The following ADAMTS3 variants were observed in gnomAD, a reference collection of about 807,000 sequenced individuals.
ADAMTS3 encodes the protein ADAM metallopeptidase with thrombospondin type 1 motif 3, also known as A disintegrin and metalloproteinase with thrombospondin motifs 3.
Under a neutral mutation model 129.0 loss-of-function variants are expected in ADAMTS3, and 73 were observed. That is an observed-to-expected ratio of 0.57 (90% confidence interval 0.47 to 0.69). The LOEUF (loss-of-function observed/expected upper bound fraction) is 0.69. Ranked by LOEUF, ADAMTS3 falls within the 30% of genes least tolerant of loss-of-function variation. The probability of loss-of-function intolerance (pLI) is 0.00; values close to 1 mark genes in which losing one functional copy is unlikely to be tolerated. For missense variants in ADAMTS3, 1,457 were observed against 1,514.5 expected (o/e 0.96, Z 0.63); for synonymous variants, 477 against 510.8 (o/e 0.93, Z 0.89).
intron 5 of ADAMTS3, among the ~76,000 whole-genome samples, chr4:72,324,481 C>G (rs750783679): frequency 1.3e-5 from 2 of 152,114 alleles, no homozygotes; most frequent in Non-Finnish European, 2.9e-5. Flanking sequence ...CTAGAATATA[C>G]TAGAGATAAC....
intron 3 of ADAMTS3, among the ~76,000 whole-genome samples, chr4:72,526,724 ATATACATACATATATATATATATATAT>A (rs1720818888): frequency 3.9e-5 from 3 of 77,736 alleles, no homozygotes; most frequent in African/African-American, 1.6e-4. Flanking sequence ...CAGAAAAAAT[ATATACATACATATATATATATATATAT>A]ATATATATAT....
intron 2 of ADAMTS3, among the ~76,000 whole-genome samples, chr4:72,564,537 T>C (rs1385287995): frequency 1.3e-5 from 2 of 152,154 alleles, no homozygotes; most frequent in African/African-American, 2.4e-5. Context: ...TGTATGGGTA[T>C]AGGTAGGTGG....
At chr4:72,329,615 G>T (rs778184187) in intron 5 of ADAMTS3, among the ~76,000 whole-genome samples, 2 of 151,980 alleles carry the variant, frequency 1.3e-5, no homozygotes, top group Non-Finnish European at 2.9e-5. Context: ...TGTTGCTGTT[G>T]TTGCTGTTTT....
intron 3 of ADAMTS3, among the ~76,000 whole-genome samples, chr4:72,433,960 T>C (rs995553829): frequency 4.6e-5 from 7 of 151,854 alleles, no homozygotes; most frequent in African/African-American, 1.7e-4. Flanking sequence ...AGTACATCAA[T>C]GAACTAGACT....
intron 3 of ADAMTS3, among the ~76,000 whole-genome samples, chr4:72,435,958 C>G (rs956014177): frequency 1.1e-4 from 16 of 152,000 alleles, no homozygotes; most frequent in Admixed American, 2.6e-4. Flanking sequence ...GAATTCATGA[C>G]TAAAACACCA....
intron 3 of ADAMTS3, among the ~76,000 whole-genome samples, chr4:72,510,807 CTAT>C (rs1720291679): frequency 9.2e-6 from 1 of 108,118 alleles, no homozygotes; most frequent in East Asian, 2.8e-4. Flanking sequence ...ATAGCCAAAG[CTAT>C]CCTTAAGCCA....
At chr4:72,291,109 G>T in intron 19 of ADAMTS3, 47 bp from the exon 20 acceptor site, 5 of 1,592,704 alleles carry the variant, frequency 3.1e-6, no homozygotes, top group Non-Finnish European at 4.3e-6. Context: ...GGTATGTATA[G>T]TGTACACATT....
intron 3 of ADAMTS3, among the ~76,000 whole-genome samples, chr4:72,543,126 T>C (rs1560560262): frequency 6.6e-6 from 1 of 152,202 alleles, no homozygotes; most frequent in East Asian, 1.9e-4. Flanking sequence ...ATTTCTAAAT[T>C]ATTTTGCATC....
intron 2 of ADAMTS3, among the ~76,000 whole-genome samples, chr4:72,549,713 T>C (rs192782381): frequency 1.3e-5 from 2 of 151,922 alleles, no homozygotes; most frequent in African/African-American, 2.4e-5. Context: ...AGATATCTAT[T>C]AGAATATGAA....
At chr4:72,288,705 G>A in intron 21 of ADAMTS3, 46 bp downstream of exon 21, 2 of 1,234,174 alleles carry the variant, frequency 1.6e-6, no homozygotes. Context: ...TGCTTTTTGA[G>A]GTTTAAAAAC....
chr4:72,404,572 AC>A (rs1409631220), intron 4 of ADAMTS3, among the ~76,000 whole-genome samples: 1 of 152,024 alleles, frequency 6.6e-6, no homozygotes, highest in African/African-American at 2.4e-5. Flanking sequence ...AAGCAAAAAA[AC>A]TTCGTGATAT....
chr4:72,526,881 T>C (rs974045092), intron 3 of ADAMTS3, among the ~76,000 whole-genome samples: 2 of 142,294 alleles, frequency 1.4e-5, no homozygotes, highest in Non-Finnish European at 3.1e-5. Context: ...GATAAAATAA[T>C]GGTCAAAAGC....
At chr4:72,556,966 C>T (rs1721783159) in intron 2 of ADAMTS3, among the ~76,000 whole-genome samples, 1 of 151,594 alleles carries the variant, frequency 6.6e-6, no homozygotes, top group Admixed American at 6.6e-5. Context: ...CCTTAAATTC[C>T]ACATCAACAG....
intron 3 of ADAMTS3, among the ~76,000 whole-genome samples, chr4:72,465,999 CT>C (rs1426215024): frequency 6.6e-6 from 1 of 152,008 alleles, no homozygotes; most frequent in Non-Finnish European, 1.5e-5. Flanking sequence ...AACTTCTTTC[CT>C]TTATAAATTA....
At chr4:72,313,865 A>G (rs1231189306) in intron 11 of ADAMTS3, 43 bp from the exon 12 acceptor site, 2 of 1,607,590 alleles carry the variant, frequency 1.2e-6, no homozygotes, top group Non-Finnish European at 8.5e-7. Context: ...TCACGCATAC[A>G]CTAAAGCTGA....
chr4:72,556,517 G>C (rs2623535), intron 2 of ADAMTS3, among the ~76,000 whole-genome samples: 146,157 of 151,724 alleles, frequency 0.96, 70,791 homozygotes, highest in East Asian at 1. Flanking sequence ...AATTTTTAAG[G>C]GTCTAATCAA....
chr4:72,317,138 T>C (rs1719417825), intron 10 of ADAMTS3, among the ~76,000 whole-genome samples: 1 of 152,198 alleles, frequency 6.6e-6, no homozygotes, highest in African/African-American at 2.4e-5. Flanking sequence ...CACATATCTA[T>C]TGCCTATACT....
At chr4:72,539,683 G>A (rs935272125) in intron 3 of ADAMTS3, among the ~76,000 whole-genome samples, 1 of 152,076 alleles carries the variant, frequency 6.6e-6, no homozygotes, top group African/African-American at 2.4e-5. Context: ...GGAACCTGGT[G>A]GGAGGTGACT....
At chr4:72,346,513 T>G (rs1720289359) in intron 4 of ADAMTS3, among the ~76,000 whole-genome samples, 1 of 152,148 alleles carries the variant, frequency 6.6e-6, no homozygotes, top group Non-Finnish European at 1.5e-5. Flanking sequence ...TAGTGGATTC[T>G]CATAATTGTT....
Sources: gnomAD v4.1 joint callset for allele counts (sites outside exome capture counted in the v4.1 genomes callset) on GRCh38, gnomAD v4.1.1 for gene constraint, MANE v1.5 for transcripts, NCBI Gene and HGNC (gene_info 2026-07-23, HGNC 2026-07-21) for gene names.